Variants in KHDRBS2 observed in about 807,000 individuals in gnomAD.
The protein encoded by KHDRBS2 is KH domain-containing, RNA-binding, signal transduction-associated protein 2.
Under a neutral mutation model 44.3 loss-of-function variants are expected in KHDRBS2, and 26 were observed. The observed-to-expected ratio is 0.59, with a 90% CI of 0.43 to 0.81. The LOEUF (loss-of-function observed/expected upper bound fraction) is 0.81, where lower values mean the gene tolerates loss of function less well. KHDRBS2 is among the 40% of genes least tolerant of loss of function. The probability of loss-of-function intolerance (pLI) is 0.00; values close to 1 mark genes in which losing one functional copy is unlikely to be tolerated. For missense variants in KHDRBS2, 476 were observed against 433.1 expected (o/e 1.10, Z -0.88); for synonymous variants, 194 against 151.1 (o/e 1.28, Z -2.08).
intron 7 of KHDRBS2, among the ~76,000 whole-genome samples, chr6:61,705,930 G>T (rs1224888516): frequency 6.6e-6 from 1 of 151,704 alleles, no homozygotes; most frequent in Non-Finnish European, 1.5e-5. Context: ...GCTATTATTT[G>T]CTTATCTGTC....
chr6:62,024,494 T>C (rs778535102), intron 3 of KHDRBS2, among the ~76,000 whole-genome samples: 1 of 151,612 alleles, frequency 6.6e-6, no homozygotes, highest in Non-Finnish European at 1.5e-5. Flanking sequence ...TATCTCACCC[T>C]ATTTAAAGTG....
intron 2 of KHDRBS2, among the ~76,000 whole-genome samples, chr6:62,074,690 G>C (rs544151479): frequency 1.1e-3 from 173 of 151,928 alleles, no homozygotes; most frequent in African/African-American, 4.0e-3. Flanking sequence ...TGTCCAGATA[G>C]AGCTTTATCA....
chr6:61,626,806 A>G, the KHDRBS2 span, among the ~76,000 whole-genome samples: 1 of 151,944 alleles, frequency 6.6e-6, no homozygotes. Context: ...AATGAATTAT[A>G]TATCATGTGA....
chr6:62,103,002 T>C (rs1248610454), intron 2 of KHDRBS2, among the ~76,000 whole-genome samples: 2 of 152,100 alleles, frequency 1.3e-5, no homozygotes. Context: ...CCACAGGCAG[T>C]TGTACCTGAT....
chr6:61,961,608 A>C (rs1768742308), intron 4 of KHDRBS2, among the ~76,000 whole-genome samples: 1 of 152,052 alleles, frequency 6.6e-6, no homozygotes, highest in South Asian at 2.1e-4. Context: ...AAAAGGCTGA[A>C]GTGCTGAAAT....
At chr6:61,654,053 A>C in the KHDRBS2 span, among the ~76,000 whole-genome samples, 1,284 of 152,144 alleles carry the variant, frequency 8.4e-3, 24 homozygotes, top group African/African-American at 0.03. Context: ...TCCTCAAAAA[A>C]AAAGCATAAG....
At chr6:61,985,046 G>C (rs1774775771) in intron 3 of KHDRBS2, among the ~76,000 whole-genome samples, 1 of 152,126 alleles carries the variant, frequency 6.6e-6, no homozygotes. Flanking sequence ...CTCCCACCTA[G>C]TCCCTCCTGT....
chr6:62,231,565 A>G (rs1832905341), intron 1 of KHDRBS2, among the ~76,000 whole-genome samples: 1 of 152,134 alleles, frequency 6.6e-6, no homozygotes, highest in Admixed American at 6.6e-5. Context: ...CAAGAGCCAA[A>G]CCATATTACC....
chr6:62,093,796 C>T (rs942552055), intron 2 of KHDRBS2, among the ~76,000 whole-genome samples: 1 of 151,402 alleles, frequency 6.6e-6, no homozygotes, highest in African/African-American at 2.4e-5. Context: ...TCAGATTCCT[C>T]CATGTTGCTG....
chr6:62,095,252 G>A (rs987453429), intron 2 of KHDRBS2, among the ~76,000 whole-genome samples: 3 of 151,632 alleles, frequency 2.0e-5, no homozygotes, highest in Non-Finnish European at 4.4e-5. Flanking sequence ...GAAAGTAAAA[G>A]GAGCTCTACA....
rs1315882472 is a variant in KHDRBS2 at position 62,202,518 on chromosome 6, T to TC, written c.92-25207dup. 3.9e-5 allele frequency among the ~76,000 whole-genome samples: 6 copies of TC among 152,038 alleles called. 1 individual carries two copies. The highest frequency in any genetic ancestry group is 1.4e-4 in the African/African-American group (6 of 41,410). On this transcript the variant is annotated intron_variant, in intron 1 of 8. Coordinates refer to ENST00000281156, the MANE Select transcript of KHDRBS2 (RefSeq NM_152688.4). The stretch of plus-strand genomic sequence containing the variant: ...AAAACAGAGAGAGAGATTTTTTTTT[T>TC]CTCCCTACTGACTAGCTGACTGGGA...
the KHDRBS2 span, among the ~76,000 whole-genome samples, chr6:61,656,742 C>A: frequency 2.0e-5 from 3 of 151,808 alleles, no homozygotes; most frequent in African/African-American, 7.3e-5. Flanking sequence ...AGCTTGTATG[C>A]GCCGGTGCCA....
At chr6:61,611,900 A>C in the KHDRBS2 span, among the ~76,000 whole-genome samples, 5 of 152,156 alleles carry the variant, frequency 3.3e-5, no homozygotes, top group Non-Finnish European at 5.9e-5. Flanking sequence ...CTTAGTGTTT[A>C]GCTCCCAATT....
At chr6:62,273,704 T>C (rs866348282) in intron 1 of KHDRBS2, among the ~76,000 whole-genome samples, 51 of 152,260 alleles carry the variant, frequency 3.3e-4, no homozygotes, top group African/African-American at 1.2e-3. Context: ...AACCATTGTC[T>C]GCAGCACCAT....
intron 2 of KHDRBS2, among the ~76,000 whole-genome samples, chr6:62,081,256 G>A (rs1282182991): frequency 6.6e-6 from 1 of 152,102 alleles, no homozygotes; most frequent in East Asian, 1.9e-4. Flanking sequence ...ATCGGAAAAT[G>A]AATATAATAA....
chr6:62,013,013 G>A (rs544723012), intron 3 of KHDRBS2, among the ~76,000 whole-genome samples: 1 of 152,288 alleles, frequency 6.6e-6, no homozygotes, highest in Middle Eastern at 3.4e-3. Flanking sequence ...CAGTGACACT[G>A]AGAGGAGGAT....
intron 4 of KHDRBS2, among the ~76,000 whole-genome samples, chr6:61,956,735 T>C (rs916937838): frequency 7.9e-5 from 12 of 152,160 alleles, no homozygotes; most frequent in African/African-American, 2.7e-4. Flanking sequence ...CTTTCTGGCT[T>C]CTCCACATAC....
At chr6:61,934,067 T>G (rs1810587400) in intron 4 of KHDRBS2, among the ~76,000 whole-genome samples, 1 of 152,198 alleles carries the variant, frequency 6.6e-6, no homozygotes, top group African/African-American at 2.4e-5. Flanking sequence ...TTCTTTCATG[T>G]ACTTGTTTGC....
rs148377889 is a variant in KHDRBS2, at chr6:62,267,959, A to G, written c.91+17899T>C. On this transcript the variant is annotated intron_variant, in intron 1 of 8. Transcript: ENST00000281156. ...ATCGATATTTATATGTTATCTAGGC[A>G]AAAGTTCCATTTTCAAGAAAGTATC... 2.5e-3 allele frequency among the ~76,000 whole-genome samples: 385 copies of G among 152,224 alleles called. 3 individuals carry two copies. The highest frequency in any genetic ancestry group is 8.5e-3 in the African/African-American group (352 of 41,568).
Sources: allele counts gnomAD v4.1 joint callset (sites outside exome capture counted in the v4.1 genomes callset), GRCh38; gene constraint gnomAD v4.1.1; transcripts MANE v1.5; gene names NCBI Gene and HGNC (gene_info 2026-07-23, HGNC 2026-07-21).